Variants in OXR1 observed in about 807,000 individuals in gnomAD.
The protein encoded by OXR1 is oxidation resistance protein 1.
OXR1 carries 41 observed loss-of-function variants against 104.6 expected under a neutral mutation model. The ratio of observed to expected loss-of-function variants is 0.39; its 90% confidence interval spans 0.31 to 0.51. OXR1 has a LOEUF of 0.51. OXR1 is among the 20% of genes least tolerant of loss of function. The pLI is 0.77. For missense variants in OXR1, 955 were observed against 1,031.9 expected, an observed-to-expected ratio of 0.93 and a Z score of 1.02; for synonymous variants, 348 against 348.4, an observed-to-expected ratio of 1.00 and a Z score of 0.01.
intron 2 of OXR1, among the ~76,000 whole-genome samples, chr8:106,461,517 A>G (rs1379612109): frequency 1.3e-5 from 2 of 152,146 alleles, no homozygotes; most frequent in Non-Finnish European, 2.9e-5. Context: ...GTGAGCAGAG[A>G]TCACGCCACT....
At chr8:106,502,287 A>G (rs1054026133) in intron 2 of OXR1, among the ~76,000 whole-genome samples, 1 of 152,210 alleles carries the variant, frequency 6.6e-6, no homozygotes, top group African/African-American at 2.4e-5. Context: ...CTTTTGTACC[A>G]GGCACCACAA....
At chr8:106,448,025 G>A (rs751081857) in intron 2 of OXR1, 17 of 1,535,832 alleles carry the variant, frequency 1.1e-5, no homozygotes, top group Non-Finnish European at 1.5e-5. Context: ...GCACAGAAAT[G>A]ACGAAGGACA....
intron 3 of OXR1, among the ~76,000 whole-genome samples, chr8:106,587,811 T>C (rs558208990): frequency 2.0e-5 from 3 of 152,270 alleles, no homozygotes; most frequent in African/African-American, 7.2e-5. Flanking sequence ...GTATAATCAT[T>C]ATTTGAGCTG....
At chr8:106,653,081 A>ATATATATATATAT in intron 3 of OXR1, among the ~76,000 whole-genome samples, 1 of 121,704 alleles carries the variant, frequency 8.2e-6, no homozygotes, top group Non-Finnish European at 1.7e-5. Flanking sequence ...GAAAAAAAAA[A>ATATATATATATAT]AAATATATAT....
chr8:106,704,357 CCTTTT>C (rs1478528186), intron 8 of OXR1, among the ~76,000 whole-genome samples: 5 of 146,150 alleles, frequency 3.4e-5, no homozygotes, highest in African/African-American at 2.6e-5. Flanking sequence ...CTGTTGTCCT[CCTTTT>C]CTTTCTTTTT....
chr8:106,676,639 G>T (rs1437984476), intron 3 of OXR1, among the ~76,000 whole-genome samples: 2 of 151,948 alleles, frequency 1.3e-5, no homozygotes, highest in Admixed American at 6.6e-5. Flanking sequence ...TGGCTTGTAG[G>T]GTTTCAGCTG....
chr8:106,623,802 A>G (rs564268589), intron 3 of OXR1, among the ~76,000 whole-genome samples: 1 of 152,294 alleles, frequency 6.6e-6, no homozygotes, highest in South Asian at 2.1e-4. Context: ...AATTACAGGA[A>G]AATCAGTTAT....
At chr8:106,696,662 C>T (rs955600986) in intron 7 of OXR1, among the ~76,000 whole-genome samples, 3 of 152,122 alleles carry the variant, frequency 2.0e-5, no homozygotes, top group African/African-American at 7.2e-5. Context: ...CTAATAGATC[C>T]GTAGTGGTAA....
Position 106,388,801 on chromosome 8 carries a change from G to T in OXR1, c.23+29165G>T, listed in dbSNP as rs531458749. On this transcript the variant is annotated intron_variant, in intron 2 of 16. Coordinates refer to ENST00000517566, the MANE Select transcript of OXR1 (RefSeq NM_001198533.2). ...TTTACTATCTTGCACCTTGAAGCTC[G>T]TATGTTCCTGCTTTGATGGCTTAGG... 2.4e-4 allele frequency among the ~76,000 whole-genome samples: 37 copies of T among 152,320 alleles called. 1 individual carries two copies. The highest frequency in any genetic ancestry group is 8.2e-4 in the African/African-American group (34 of 41,576).
At chr8:106,527,676 C>T (rs1233438412) in intron 3 of OXR1, among the ~76,000 whole-genome samples, 4 of 152,190 alleles carry the variant, frequency 2.6e-5, no homozygotes, top group African/African-American at 9.7e-5. Flanking sequence ...AATATGAATA[C>T]ATTTCAAGCA....
At chr8:106,647,303 T>A (rs1342204879) in intron 3 of OXR1, among the ~76,000 whole-genome samples, 1 of 152,164 alleles carries the variant, frequency 6.6e-6, no homozygotes, top group Non-Finnish European at 1.5e-5. Context: ...AATATTAGAC[T>A]CTCTCCCAGT....
Position 106,706,836 on chromosome 8 carries a change from G to A in OXR1, c.1315G>A (p.Asp439Asn). The change falls in exon 9 of 17, where the codon GAC becomes AAC. Residue 439 changes from aspartate to asparagine, a missense_variant. Asp to Asn is a conservative substitution (Grantham distance 23, BLOSUM62 1). Coordinates refer to ENST00000517566, the MANE Select transcript of OXR1 (RefSeq NM_001198533.2). ...NFQGISGPKEDSTSIKGNSDQ... is the reference protein window; with the variant it reads ...NFQGISGPKENSTSIKGNSDQ... Reference sequence around the variant, plus strand: ...TCAAGGAATATCAGGTCCTAAAGAAGACAGCACAAGTATAAAAGGTAATTC... The same window carrying A: ...TCAAGGAATATCAGGTCCTAAAGAAAACAGCACAAGTATAAAAGGTAATTC... 6.2e-7 allele frequency: 1 copy of A among 1,612,606 alleles called. No homozygotes were observed. Among genetic ancestry groups the A allele is most frequent in the Non-Finnish European group, 8.5e-7 (1 of 1,179,668 alleles).
At chr8:106,435,086 G>A (rs934453508) in intron 2 of OXR1, among the ~76,000 whole-genome samples, 1 of 152,126 alleles carries the variant, frequency 6.6e-6, no homozygotes, top group Non-Finnish European at 1.5e-5. Flanking sequence ...AGCTGAATGA[G>A]GGATCACTGT....
intron 1 of OXR1, among the ~76,000 whole-genome samples, chr8:106,335,380 T>A (rs914044032): frequency 2.0e-5 from 3 of 152,196 alleles, no homozygotes; most frequent in Non-Finnish European, 4.4e-5. Context: ...CTATTTTTGG[T>A]TTCTGGATAT....
chr8:106,437,740 C>A (rs546347699), intron 2 of OXR1, among the ~76,000 whole-genome samples: 1 of 152,228 alleles, frequency 6.6e-6, no homozygotes, highest in African/African-American at 2.4e-5. Context: ...TGTTTTCATG[C>A]TGAATGCAAT....
At position 106,487,339 on chromosome 8, in the gene OXR1, C is replaced by CTTTTT. The variant is rs71307062; in HGVS notation, c.24-31592_24-31588dup. On this transcript the variant is annotated intron_variant, in intron 2 of 16. Coordinates refer to ENST00000517566, the MANE Select transcript of OXR1 (RefSeq NM_001198533.2). ...ACTCCCTGATCTAAACCAGGTATTT[C>CTTTTT]TTTTTTTTTTTTTTTTATGCTGTTT... Among the ~76,000 whole-genome samples, 310 of 129,168 alleles carry CTTTTT rather than the reference C, an allele frequency of 2.4e-3. 3 individuals are homozygous for CTTTTT. The highest frequency in any genetic ancestry group is 0.017 in the Middle Eastern group (4 of 230). 84.7% of individuals were successfully genotyped at this position (129,168 alleles called of 152,430 possible).
intron 2 of OXR1, among the ~76,000 whole-genome samples, chr8:106,460,544 G>C (rs190075373): frequency 6.6e-6 from 1 of 152,296 alleles, no homozygotes. Context: ...ATGGTGGCTA[G>C]GGGCTTAAAA....
intron 3 of OXR1, among the ~76,000 whole-genome samples, chr8:106,613,428 C>T (rs912186455): frequency 2.2e-4 from 33 of 152,330 alleles, no homozygotes; most frequent in African/African-American, 7.7e-4. Context: ...GTCAGAGTTT[C>T]GCTCTTGTTG....
chr8:106,552,327 G>T (rs1354382518), intron 3 of OXR1, among the ~76,000 whole-genome samples: 3 of 151,970 alleles, frequency 2.0e-5, no homozygotes, highest in Non-Finnish European at 4.4e-5. Context: ...TTTCTATTAT[G>T]AGTCTATTCT....
Sources: allele counts gnomAD v4.1 joint callset (sites outside exome capture counted in the v4.1 genomes callset), GRCh38; gene constraint gnomAD v4.1.1; transcripts MANE v1.5; gene names NCBI Gene and HGNC (gene_info 2026-07-23, HGNC 2026-07-21).